Variants in CADPS2 observed in about 807,000 individuals in gnomAD.
CADPS2 encodes the protein calcium dependent secretion activator 2, also known as calcium-dependent secretion activator 2.
In CADPS2, 93 loss-of-function variants were observed where a neutral mutation model predicts 172.5. The observed-to-expected ratio is 0.54, with a 90% CI of 0.46 to 0.64. The LOEUF (loss-of-function observed/expected upper bound fraction) is 0.64. Ranked by LOEUF, CADPS2 falls within the 30% of genes least tolerant of loss-of-function variation. The pLI, the probability that CADPS2 is intolerant of heterozygous loss-of-function variation, is 0.00. For missense variants in CADPS2, 1,420 were observed against 1,565.9 expected (o/e 0.91, Z 1.57); for synonymous variants, 546 against 555.2 (o/e 0.98, Z 0.23).
intron 15 of CADPS2, among the ~76,000 whole-genome samples, chr7:122,448,972 G>C (rs1486393582): frequency 6.6e-6 from 1 of 152,134 alleles, no homozygotes; most frequent in South Asian, 2.1e-4. Context: ...ACTAGTCTGG[G>C]GATGAAGCTA....
intron 8 of CADPS2, among the ~76,000 whole-genome samples, chr7:122,516,408 C>G (rs1411263619): frequency 6.6e-6 from 1 of 151,958 alleles, no homozygotes; most frequent in East Asian, 1.9e-4. Flanking sequence ...TGCAGTGGTA[C>G]ACACTTGTCT....
At chr7:122,588,572 G>C (rs1405497787) in intron 6 of CADPS2, among the ~76,000 whole-genome samples, 1 of 151,914 alleles carries the variant, frequency 6.6e-6, no homozygotes, top group East Asian at 1.9e-4. Context: ...TGATATAACA[G>C]ATTCTTCTAA....
At chr7:122,628,702 G>A (rs1162502531) in intron 4 of CADPS2, among the ~76,000 whole-genome samples, 1 of 149,582 alleles carries the variant, frequency 6.7e-6, no homozygotes, top group Non-Finnish European at 1.5e-5. Flanking sequence ...CTCTATTCAC[G>A]ATACACAGTG....
intron 1 of CADPS2, chr7:122,850,112 C>A: frequency 7.4e-7 from 1 of 1,342,964 alleles, no homozygotes; most frequent in Non-Finnish European, 9.7e-7. Flanking sequence ...ACCTGGCATC[C>A]ATCAACAACT....
At chr7:122,619,217 G>A (rs1317824174) in intron 5 of CADPS2, among the ~76,000 whole-genome samples, 1 of 152,090 alleles carries the variant, frequency 6.6e-6, no homozygotes, top group Non-Finnish European at 1.5e-5. Context: ...TTGAACAATA[G>A]AGAAAAGATA....
chr7:122,877,924 G>C (rs2141659436), intron 1 of CADPS2, among the ~76,000 whole-genome samples: 1 of 152,260 alleles, frequency 6.6e-6, no homozygotes, highest in Middle Eastern at 3.4e-3. Context: ...CACACGGTGA[G>C]TGAGTGAGAA....
intron 8 of CADPS2, among the ~76,000 whole-genome samples, chr7:122,526,454 A>G (rs1165300895): frequency 6.6e-6 from 1 of 152,008 alleles, no homozygotes; most frequent in African/African-American, 2.4e-5. Flanking sequence ...CAGTCTCCCA[A>G]AGTGCTGGGA....
intron 12 of CADPS2, among the ~76,000 whole-genome samples, chr7:122,476,554 A>G (rs1253179949): frequency 6.6e-6 from 1 of 152,222 alleles, no homozygotes; most frequent in Non-Finnish European, 1.5e-5. Context: ...CTGCTAAGGT[A>G]ACAAGTCTTT....
At chr7:122,658,237 A>C (rs1291108427) in intron 3 of CADPS2, among the ~76,000 whole-genome samples, 1 of 152,188 alleles carries the variant, frequency 6.6e-6, no homozygotes, top group Non-Finnish European at 1.5e-5. Context: ...AAGTCAGGAA[A>C]CAACAGGTGC....
intron 12 of CADPS2, among the ~76,000 whole-genome samples, chr7:122,477,013 G>A (rs2056710614): frequency 8.9e-6 from 1 of 112,626 alleles, no homozygotes; most frequent in Non-Finnish European, 1.8e-5. Context: ...GAGAGGAGAG[G>A]AGAGGAGAGG....
At chr7:122,640,195 C>T (rs138675663) in intron 3 of CADPS2, among the ~76,000 whole-genome samples, 44 of 152,238 alleles carry the variant, frequency 2.9e-4, no homozygotes, top group African/African-American at 9.1e-4. Context: ...TCATGTAGAG[C>T]GAAACCTAGA....
At chr7:122,538,152 A>T (rs1264515693) in intron 8 of CADPS2, among the ~76,000 whole-genome samples, 4 of 151,554 alleles carry the variant, frequency 2.6e-5, no homozygotes, top group Non-Finnish European at 5.9e-5. Context: ...TCAGTAAAAA[A>T]AAAAAGAGAA....
chr7:122,517,984 T>C (rs2060501910), intron 8 of CADPS2, among the ~76,000 whole-genome samples: 1 of 152,006 alleles, frequency 6.6e-6, no homozygotes, highest in South Asian at 2.1e-4. Flanking sequence ...TGTTTCTTAA[T>C]GTTCAGTGTT....
chr7:122,511,061 CAGGT>C (rs1455488678), intron 9 of CADPS2, among the ~76,000 whole-genome samples: 3 of 152,114 alleles, frequency 2.0e-5, no homozygotes. Flanking sequence ...AAAGAAACCT[CAGGT>C]AGAATAAATT....
intron 1 of CADPS2, among the ~76,000 whole-genome samples, chr7:122,814,707 C>G (rs1392717339): frequency 6.6e-6 from 1 of 152,038 alleles, no homozygotes; most frequent in Non-Finnish European, 1.5e-5. Context: ...CCATGTGGCC[C>G]TTTACAAAAA....
chr7:122,797,778 C>T (rs1796718467), intron 1 of CADPS2, among the ~76,000 whole-genome samples: 1 of 151,944 alleles, frequency 6.6e-6, no homozygotes, highest in Non-Finnish European at 1.5e-5. Context: ...GGAATAATAC[C>T]CGGTTTGACA....
chr7:122,708,461 GATATATAT>G (rs3034549), intron 2 of CADPS2, among the ~76,000 whole-genome samples: 5 of 128,206 alleles, frequency 3.9e-5, no homozygotes, highest in Admixed American at 7.9e-5. Flanking sequence ...TATGTGTGTG[GATATATAT>G]ATATATATAT....
intron 1 of CADPS2, among the ~76,000 whole-genome samples, chr7:122,850,579 T>G (rs755695015): frequency 6.6e-6 from 1 of 152,170 alleles, no homozygotes; most frequent in Non-Finnish European, 1.5e-5. Flanking sequence ...TATTAACTTG[T>G]CTGGAAAGAA....
intron 1 of CADPS2, among the ~76,000 whole-genome samples, chr7:122,880,955 T>G (rs1055291404): frequency 6.6e-6 from 1 of 152,198 alleles, no homozygotes; most frequent in Non-Finnish European, 1.5e-5. Flanking sequence ...CAATGTCACA[T>G]AACTATGCAA....
Sources: allele counts gnomAD v4.1 joint callset (sites outside exome capture counted in the v4.1 genomes callset), GRCh38; gene constraint gnomAD v4.1.1; transcripts MANE v1.5; gene names NCBI Gene and HGNC (gene_info 2026-07-23, HGNC 2026-07-21).